The following UBAP2 variants were observed in gnomAD, a reference collection of about 807,000 sequenced individuals.
UBAP2 encodes the protein ubiquitin associated protein 2, also known as ubiquitin-associated protein 2.
UBAP2 carries 75 observed loss-of-function variants against 139.6 expected under a neutral mutation model. The observed-to-expected ratio is 0.54, with a 90% CI of 0.45 to 0.65. UBAP2 has a LOEUF of 0.65. Among genes scored for constraint, UBAP2 ranks in the 30% least tolerant of loss-of-function variants. The pLI, the probability that UBAP2 is intolerant of heterozygous loss-of-function variation, is 0.00. For synonymous variants in UBAP2, 526 were observed against 526.2 expected (o/e 1.00, Z 0.01); for missense variants, 1,368 against 1,369.6 (o/e 1.00, Z 0.02).
At chr9:33,986,954 C>T (rs1226351345) in intron 5 of UBAP2, 117 bp from the exon 6 acceptor site, 16 of 930,364 alleles carry the variant, frequency 1.7e-5, no homozygotes, top group African/African-American at 6.6e-5. Flanking sequence ...ATTTAAACAA[C>T]GGGTTCAAAA....
At chr9:33,935,997 ATTTTT>A in intron 16 of UBAP2, 119 bp from the exon 17 acceptor site, 1 of 1,069,898 alleles carries the variant, frequency 9.3e-7, no homozygotes, top group Non-Finnish European at 1.3e-6. Flanking sequence ...CTTTTATTCT[ATTTTT>A]TAATAAAGGG....
chr9:33,976,137 A>T (rs930692054), intron 6 of UBAP2, among the ~76,000 whole-genome samples: 1 of 152,226 alleles, frequency 6.6e-6, no homozygotes, highest in Non-Finnish European at 1.5e-5. Context: ...CAAGAATGTT[A>T]AGAAATTCAG....
chr9:33,986,878 A>G, intron 5 of UBAP2, 41 bp from the exon 6 acceptor site: 2 of 1,550,002 alleles, frequency 1.3e-6, no homozygotes, highest in Non-Finnish European at 1.8e-6. Context: ...TCCATTTCCA[A>G]ACCTCTTGTA....
At chr9:33,926,803 G>C in intron 21 of UBAP2, 139 bp from the exon 22 acceptor site, 1 of 1,044,878 alleles carries the variant, frequency 9.6e-7, no homozygotes, top group Non-Finnish European at 1.5e-6. Flanking sequence ...TACGGGAACA[G>C]ATCCTGCCTT....
At chr9:33,957,124 T>C (rs1183566680) in intron 10 of UBAP2, among the ~76,000 whole-genome samples, 1 of 152,002 alleles carries the variant, frequency 6.6e-6, no homozygotes, top group East Asian at 1.9e-4. Flanking sequence ...AAGAAGTTTG[T>C]AAAGGTGAAA....
Position 33,968,600 on chromosome 9 carries a change from T to C in UBAP2, c.679+3051A>G, listed in dbSNP as rs73479279. 1,998 of 302,438 alleles carry C rather than the reference T, an allele frequency of 6.6e-3. 38 individuals are homozygous for C. The highest frequency in any genetic ancestry group is 0.039 in the African/African-American group (1,816 of 46,256). 18.7% of individuals were successfully genotyped at this position (302,438 alleles called of 1,614,324 possible). A position where few individuals can be genotyped will look rare whatever the true frequency, so the allele number is the denominator to read the frequency against. ...TGTTTGTTTTAATCATGAACGAATA[T>C]TGAACACTTTTCCTTACTGAAATAA... On this transcript the variant is annotated intron_variant, in intron 8 of 28. Coordinates refer to ENST00000379238, the MANE Select transcript of UBAP2 (RefSeq NM_001370062.2).
chr9:34,011,417 C>T (rs1823740404), intron 2 of UBAP2, among the ~76,000 whole-genome samples: 1 of 151,900 alleles, frequency 6.6e-6, no homozygotes, highest in Non-Finnish European at 1.5e-5. Flanking sequence ...GAAAGCATAG[C>T]CAATACACAT....
intron 7 of UBAP2, among the ~76,000 whole-genome samples, chr9:33,971,972 T>G (rs1427202934): frequency 6.6e-6 from 1 of 152,148 alleles, no homozygotes; most frequent in Non-Finnish European, 1.5e-5. Context: ...TTCCACACAT[T>G]CTGGTATAAT....
At chr9:33,941,445 T>C (rs918336418) in intron 16 of UBAP2, among the ~76,000 whole-genome samples, 1 of 152,182 alleles carries the variant, frequency 6.6e-6, no homozygotes, top group African/African-American at 2.4e-5. Flanking sequence ...ACAAAGTGTA[T>C]GAACCTGCAG....
At position 34,045,368 on chromosome 9, in the gene UBAP2, T is replaced by C. The variant is rs115676423; in HGVS notation, c.-42+3457A>G. The stretch of plus-strand genomic sequence containing the variant: ...AAAAAAAAAAAAGGGTAGAAAAAAA[T>C]AAAAATTAAAAAAAAAATTTTTTTT... On this transcript the variant is annotated intron_variant, in intron 1 of 28. Coordinates refer to ENST00000379238, the MANE Select transcript of UBAP2 (RefSeq NM_001370062.2). Among the ~76,000 whole-genome samples the C allele has an allele frequency of 6.1e-3, 911 of 149,792 alleles. 7 individuals are homozygous for C. Among genetic ancestry groups the C allele is most frequent in the African/African-American group, 0.021 (863 of 40,818 alleles).
chr9:34,032,795 G>A (rs183063939), intron 1 of UBAP2, among the ~76,000 whole-genome samples: 4 of 151,850 alleles, frequency 2.6e-5, no homozygotes, highest in East Asian at 1.9e-4. Context: ...GTGGTTGCAC[G>A]CACCTGTAAT....
chr9:34,004,985 G>A lies in UBAP2; in HGVS notation c.100-6121C>T, dbSNP rs140483196. Among the ~76,000 whole-genome samples, 1,005 of 151,660 alleles carry A rather than the reference G, an allele frequency of 6.6e-3. 5 individuals are homozygous for A. The highest frequency in any genetic ancestry group is 0.011 in the Non-Finnish European group (713 of 67,896). ...TTAAATCCCATTGAAAACAACAGTC[G>A]GGCATGGTAGCTCAGGCCTGTAATC... On this transcript the variant is annotated intron_variant, in intron 2 of 28. Coordinates refer to ENST00000379238, the MANE Select transcript of UBAP2 (RefSeq NM_001370062.2).
chr9:33,954,301 C>CACACACACACACACACACACACACAT (rs1554682975), intron 11 of UBAP2, among the ~76,000 whole-genome samples: 3 of 146,646 alleles, frequency 2.0e-5, no homozygotes, highest in African/African-American at 7.6e-5. Context: ...CACACACACA[C>CACACACACACACACACACACACACAT]GCCCATATAA....
chr9:33,936,135 A>G (rs554521547), intron 16 of UBAP2, among the ~76,000 whole-genome samples: 34 of 152,178 alleles, frequency 2.2e-4, no homozygotes, highest in African/African-American at 7.9e-4. Flanking sequence ...GGTGCATCCT[A>G]CCATGCCTAG....
At chr9:33,984,774 A>G (rs1821064911) in intron 6 of UBAP2, among the ~76,000 whole-genome samples, 1 of 152,184 alleles carries the variant, frequency 6.6e-6, no homozygotes, top group East Asian at 1.9e-4. Flanking sequence ...ACATCAATAA[A>G]ATACAAATGA....
At chr9:33,959,661 G>C (rs766226265) in intron 10 of UBAP2, among the ~76,000 whole-genome samples, 6 of 152,116 alleles carry the variant, frequency 3.9e-5, no homozygotes, top group Admixed American at 6.5e-5. Flanking sequence ...ACAGTACCCA[G>C]AAGCTAGTGT....
At chr9:33,993,216 T>C (rs1220187314) in intron 4 of UBAP2, among the ~76,000 whole-genome samples, 1 of 152,198 alleles carries the variant, frequency 6.6e-6, no homozygotes, top group Admixed American at 6.5e-5. Flanking sequence ...ATAATTTTGT[T>C]TCAGCACAGA....
intron 1 of UBAP2, among the ~76,000 whole-genome samples, chr9:34,047,088 C>A (rs1385845826): frequency 6.6e-6 from 1 of 152,146 alleles, no homozygotes; most frequent in Non-Finnish European, 1.5e-5. Flanking sequence ...CTCATTCTCT[C>A]CCATGCCACC....
At chr9:33,933,375 C>T in intron 18 of UBAP2, 115 bp downstream of exon 18, 1 of 1,243,862 alleles carries the variant, frequency 8.0e-7, no homozygotes, top group Non-Finnish European at 1.1e-6. Context: ...TGCAAAAGCC[C>T]AGGACATCAC....
Sources: allele counts gnomAD v4.1 joint callset (sites outside exome capture counted in the v4.1 genomes callset), GRCh38; gene constraint gnomAD v4.1.1; transcripts MANE v1.5; gene names NCBI Gene and HGNC (gene_info 2026-07-23, HGNC 2026-07-21).